The following CFAP20DC variants were observed in gnomAD, a reference collection of about 807,000 sequenced individuals.
CFAP20DC encodes protein CFAP20DC.
Under a neutral mutation model 101.7 loss-of-function variants are expected in CFAP20DC, and 84 were observed. The observed-to-expected ratio is 0.83, with a 90% confidence interval of 0.69 to 0.99. CFAP20DC has a LOEUF of 0.99. CFAP20DC is among the 50% of genes least tolerant of loss of function. The pLI is 0.00. For missense variants in CFAP20DC, 1,007 were observed against 970.3 expected (o/e 1.04, Z -0.50); for synonymous variants, 359 against 351.2 (o/e 1.02, Z -0.25).
At chr3:58,765,490 C>CAAAAAAAAAAAAAAAAAAACA (rs1337049385) in intron 15 of CFAP20DC, among the ~76,000 whole-genome samples, 2 of 81,818 alleles carry the variant, frequency 2.4e-5, no homozygotes, top group Non-Finnish European at 5.0e-5. Context: ...AAAAAAAAAC[C>CAAAAAAAAAAAAAAAAAAACA]AAAAAAAAAA....
At position 59,049,967 on chromosome 3, in the gene CFAP20DC, A is replaced by C. The variant is rs1237492397; in HGVS notation, c.-336T>G. On this transcript the variant is annotated 5_prime_UTR_variant, in exon 1 of 17. Coordinates refer to ENST00000482387, the MANE Select transcript of CFAP20DC (RefSeq NM_001394063.1). Reference sequence around the variant, plus strand: ...GGCGCCCAGTCGCGGAGCCACAGACAACCGCCCGCTGGCCTAGGAAAAGCG... The same window carrying C: ...GGCGCCCAGTCGCGGAGCCACAGACCACCGCCCGCTGGCCTAGGAAAAGCG... 3.3e-6 allele frequency: 1 copy of C among 299,732 alleles called. No individual in the cohort carries two copies. Among genetic ancestry groups the C allele is most frequent in the Non-Finnish European group, 6.2e-6 (1 of 161,794 alleles). 18.6% of individuals were successfully genotyped at this position (299,732 alleles called of 1,614,324 possible).
intron 4 of CFAP20DC, among the ~76,000 whole-genome samples, chr3:58,966,060 G>A (rs928218647): frequency 6.6e-6 from 1 of 152,234 alleles, no homozygotes; most frequent in South Asian, 2.1e-4. Flanking sequence ...AAACGGCTGA[G>A]TATCAGTAAA....
At position 58,812,581 on chromosome 3, in the gene CFAP20DC, G is replaced by T. The variant is rs573720771; in HGVS notation, c.2176-6125C>A. Among the ~76,000 whole-genome samples, 649 of 151,838 alleles carry T rather than the reference G, an allele frequency of 4.3e-3. 2 individuals are homozygous for T. Among genetic ancestry groups the T allele is most frequent in the Non-Finnish European group, 5.0e-3 (343 of 68,006 alleles). On this transcript the variant is annotated intron_variant, in intron 14 of 16. Coordinates refer to ENST00000482387, the MANE Select transcript of CFAP20DC (RefSeq NM_001394063.1). ...GGGGTGGGGGGAGCGGGGAGGGATA[G>T]CATTAGGAGATATAACTAATGCTAA...
chr3:58,766,080 G>C (rs148597275), intron 15 of CFAP20DC, among the ~76,000 whole-genome samples: 2,136 of 152,272 alleles, frequency 0.014, 41 homozygotes, highest in African/African-American at 0.048. Context: ...ATTTCAAGTA[G>C]TGAAAAATCC....
intron 4 of CFAP20DC, among the ~76,000 whole-genome samples, chr3:59,009,574 T>C (rs1334587175): frequency 1.3e-5 from 2 of 152,152 alleles, no homozygotes; most frequent in Non-Finnish European, 2.9e-5. Context: ...TTTGGGATTA[T>C]GTTAAACAGC....
At chr3:58,767,741 T>C (rs1026842272) in intron 15 of CFAP20DC, among the ~76,000 whole-genome samples, 5 of 152,138 alleles carry the variant, frequency 3.3e-5, no homozygotes, top group Admixed American at 2.6e-4. Flanking sequence ...GTTGTTTAAT[T>C]TTTGTTTGTT....
At chr3:59,012,412 C>T (rs1456411776) in intron 4 of CFAP20DC, among the ~76,000 whole-genome samples, 18 of 150,660 alleles carry the variant, frequency 1.2e-4, no homozygotes, top group African/African-American at 4.4e-4. Context: ...CTGGACAAGG[C>T]TATTGGAGCC....
intron 4 of CFAP20DC, among the ~76,000 whole-genome samples, chr3:59,021,301 G>C (rs1442595942): frequency 2.6e-5 from 4 of 152,022 alleles, no homozygotes; most frequent in East Asian, 1.9e-4. Context: ...GACAAGAGTG[G>C]CATCGAAGTA....
intron 5 of CFAP20DC, among the ~76,000 whole-genome samples, chr3:58,934,158 A>C (rs1462096427): frequency 6.6e-6 from 1 of 152,242 alleles, no homozygotes; most frequent in African/African-American, 2.4e-5. Context: ...ATGCAAATAA[A>C]CTAGAAAATT....
At chr3:58,778,649 GC>G (rs2071554143) in intron 15 of CFAP20DC, among the ~76,000 whole-genome samples, 1 of 152,178 alleles carries the variant, frequency 6.6e-6, no homozygotes, top group African/African-American at 2.4e-5. Flanking sequence ...CCACTTAGAG[GC>G]CCAAGAATTG....
intron 4 of CFAP20DC, among the ~76,000 whole-genome samples, chr3:58,940,329 A>G (rs1576406380): frequency 1.3e-5 from 2 of 152,348 alleles, no homozygotes; most frequent in Non-Finnish European, 2.9e-5. Context: ...TATTTATGCT[A>G]GTGCTTTCTG....
rs1056625078 is a variant in CFAP20DC at position 59,014,835 on chromosome 3, T to A, written c.278+24722A>T. ...GTAGTACTACTCCTTAGCAGTATGC[T>A]TGACTGGTTTGTGAGGCTCCGTGGT... On this transcript the variant is annotated intron_variant, in intron 4 of 16. Coordinates refer to ENST00000482387, the MANE Select transcript of CFAP20DC (RefSeq NM_001394063.1). The surrounding 1 kb of genome is among the most constrained non-coding windows in gnomAD (Gnocchi z 4.9). Among the ~76,000 whole-genome samples, 4 of 152,126 alleles carry A rather than the reference T, an allele frequency of 2.6e-5. No homozygotes were observed. The highest frequency in any genetic ancestry group is 5.9e-5 in the Non-Finnish European group (4 of 68,008).
intron 15 of CFAP20DC, among the ~76,000 whole-genome samples, chr3:58,759,789 G>A (rs1449332724): frequency 1.3e-5 from 2 of 152,180 alleles, no homozygotes; most frequent in South Asian, 2.1e-4. Flanking sequence ...TCTTAAATAG[G>A]TAATCCTTTC....
chr3:59,030,022 G>T (rs1469948701), intron 4 of CFAP20DC, among the ~76,000 whole-genome samples: 1 of 152,120 alleles, frequency 6.6e-6, no homozygotes, highest in Non-Finnish European at 1.5e-5. Flanking sequence ...AAGATGCTGA[G>T]GAAATGATGA....
chr3:58,907,752 A>C (rs914459911), intron 6 of CFAP20DC, among the ~76,000 whole-genome samples: 1 of 152,318 alleles, frequency 6.6e-6, no homozygotes, highest in South Asian at 2.1e-4. Flanking sequence ...CATTTTACCT[A>C]ATCAAGGCAT....
intron 5 of CFAP20DC, among the ~76,000 whole-genome samples, chr3:58,933,364 G>C (rs1020102546): frequency 4.0e-5 from 6 of 150,212 alleles, no homozygotes; most frequent in African/African-American, 1.2e-4. Context: ...ACAGATCAAC[G>C]AGACAGAAAG....
chr3:58,841,314 T>C (rs1342010567), intron 13 of CFAP20DC, among the ~76,000 whole-genome samples: 4 of 152,192 alleles, frequency 2.6e-5, no homozygotes, highest in African/African-American at 7.2e-5. Context: ...AAATGGCACA[T>C]TTGAGTGGCA....
intron 10 of CFAP20DC, 68 bp downstream of exon 10, chr3:58,867,749 C>T: frequency 6.4e-7 from 1 of 1,573,596 alleles, no homozygotes; most frequent in Admixed American, 1.7e-5. Flanking sequence ...AATTTACAAC[C>T]TGCAGAGAGA....
intron 4 of CFAP20DC, among the ~76,000 whole-genome samples, chr3:58,967,160 A>G (rs2091614618): frequency 6.6e-6 from 1 of 152,248 alleles, no homozygotes; most frequent in Non-Finnish European, 1.5e-5. Context: ...TGACAGGCAT[A>G]TAAATCAGTG....
Sources: gnomAD v4.1 joint callset for allele counts (sites outside exome capture counted in the v4.1 genomes callset) on GRCh38, gnomAD v4.1.1 for gene constraint, Gnocchi (gnomAD v3.1) non-coding constraint, MANE v1.5 for transcripts, NCBI Gene and HGNC (gene_info 2026-07-23, HGNC 2026-07-21) for gene names.